Variants in DOCK7 observed in about 807,000 individuals in gnomAD.
DOCK7 encodes the protein dedicator of cytokinesis 7.
DOCK7 carries 138 observed loss-of-function variants against 271.0 expected under a neutral mutation model. The ratio of observed to expected loss-of-function variants is 0.51; its 90% CI spans 0.44 to 0.59. The LOEUF (loss-of-function observed/expected upper bound fraction) is 0.59. Ranked by LOEUF, DOCK7 falls within the 20% of genes least tolerant of loss-of-function variation. The probability of loss-of-function intolerance (pLI) is 0.00; values close to 1 mark genes in which losing one functional copy is unlikely to be tolerated. For synonymous variants in DOCK7, 823 were observed against 876.1 expected (o/e 0.94, Z 1.07); for missense variants, 2,066 against 2,592.4 (o/e 0.80, Z 4.41).
chr1:62,574,374 A>G (rs918677796), intron 18 of DOCK7, among the ~76,000 whole-genome samples: 28 of 152,308 alleles, frequency 1.8e-4, no homozygotes, highest in African/African-American at 6.7e-4. Flanking sequence ...GACTTTACAG[A>G]CTTTATGACA....
intron 14 of DOCK7, among the ~76,000 whole-genome samples, chr1:62,594,273 C>T (rs1648891409): frequency 6.6e-6 from 1 of 152,084 alleles, no homozygotes. Flanking sequence ...AAAATTACTA[C>T]TTTCAATGCA....
At chr1:62,512,121 A>G (rs998116798) in intron 33 of DOCK7, among the ~76,000 whole-genome samples, 2 of 152,208 alleles carry the variant, frequency 1.3e-5, no homozygotes, top group Non-Finnish European at 2.9e-5. Context: ...GTGCCTTTTC[A>G]TTATTACAAA....
In DOCK7 at chr1:62,580,592, G is replaced by C. The variant is rs149577180; in HGVS notation, c.1872-1626C>G. The stretch of plus-strand genomic sequence containing the variant: ...TTTGTTGAAAATTAAATATCTAAGA[G>C]AGTTATTCATTCAATAAGTAGGTTT... On this transcript the variant is annotated intron_variant, in intron 16 of 49. Coordinates refer to ENST00000635253, the MANE Select transcript of DOCK7 (RefSeq NM_001367561.1). Among the ~76,000 whole-genome samples the C allele has an allele frequency of 7.6e-3, 1,153 of 152,196 alleles. 8 individuals carry two copies. Among genetic ancestry groups the C allele is most frequent in the Non-Finnish European group, 0.011 (746 of 68,008 alleles).
intron 14 of DOCK7, among the ~76,000 whole-genome samples, chr1:62,616,821 C>T (rs950365142): frequency 1.3e-4 from 19 of 151,514 alleles, no homozygotes; most frequent in Admixed American, 4.6e-4. Context: ...CAAAATAAGA[C>T]GCAAAAGATT....
At chr1:62,504,196 A>T (rs1228837259) in intron 37 of DOCK7, among the ~76,000 whole-genome samples, 1 of 152,188 alleles carries the variant, frequency 6.6e-6, no homozygotes, top group African/African-American at 2.4e-5. Context: ...TACATAAGCA[A>T]AAATAAATGA....
At chr1:62,645,311 G>A (rs1656513047) in intron 7 of DOCK7, among the ~76,000 whole-genome samples, 1 of 151,866 alleles carries the variant, frequency 6.6e-6, no homozygotes, top group Non-Finnish European at 1.5e-5. Context: ...AATAGAATGT[G>A]GCATATGCAT....
chr1:62,553,529 C>T (rs1170051520), intron 21 of DOCK7, among the ~76,000 whole-genome samples: 2 of 149,742 alleles, frequency 1.3e-5, no homozygotes, highest in East Asian at 2.0e-4. Flanking sequence ...CCACCATGCC[C>T]GGGTAAATTT....
At chr1:62,636,231 C>T (rs987401659) in intron 8 of DOCK7, among the ~76,000 whole-genome samples, 2 of 152,178 alleles carry the variant, frequency 1.3e-5, no homozygotes, top group Non-Finnish European at 2.9e-5. Context: ...TAAAAATTCA[C>T]TGTCATTGTC....
intron 7 of DOCK7, among the ~76,000 whole-genome samples, chr1:62,640,520 C>CA (rs767576399): frequency 7.3e-5 from 11 of 151,396 alleles, no homozygotes; most frequent in Admixed American, 6.6e-5. Context: ...GACCCCGTCT[C>CA]AAAAAAAAGA....
chr1:62,637,610 T>C (rs1049426001), intron 7 of DOCK7, among the ~76,000 whole-genome samples: 2 of 152,108 alleles, frequency 1.3e-5, no homozygotes, highest in Admixed American at 6.6e-5. Context: ...CTGCTCCACA[T>C]TGCATGGTAT....
chr1:62,519,006 T>C (rs201812336), intron 31 of DOCK7, among the ~76,000 whole-genome samples: 10 of 148,130 alleles, frequency 6.8e-5, no homozygotes, highest in African/African-American at 1.2e-4. Context: ...AGTCATGCTA[T>C]ACACACACAC....
chr1:62,475,641 G>A lies in DOCK7; in HGVS notation c.5961+66C>T, dbSNP rs138064438. On this transcript the variant is annotated intron_variant, in intron 46 of 49. Transcript: ENST00000635253. ...ATGGTACATATCTTCTGGTACATCT[G>A]AGTTGTTGTTACATGGCTTGAATGT... 2,429 of 1,407,668 alleles carry A rather than the reference G, an allele frequency of 1.7e-3. 3 individuals carry two copies. Among genetic ancestry groups the A allele is most frequent in the Middle Eastern group, 4.6e-3 (26 of 5,608 alleles). The allele number at this position is 1,407,668 out of a possible 1,614,324, so 87.2% of individuals were successfully genotyped here. A position where few individuals can be genotyped will look rare whatever the true frequency, so the allele number is the denominator to read the frequency against.
chr1:62,610,329 G>GA (rs199624755), intron 14 of DOCK7, among the ~76,000 whole-genome samples: 16 of 149,652 alleles, frequency 1.1e-4, no homozygotes, highest in East Asian at 3.9e-4. Context: ...CACTTGAATA[G>GA]AAAAAAAAAT....
At chr1:62,651,008 C>T (rs1192352479) in intron 4 of DOCK7, among the ~76,000 whole-genome samples, 14 of 151,986 alleles carry the variant, frequency 9.2e-5, no homozygotes, top group Non-Finnish European at 1.8e-4. Flanking sequence ...ATGTTTACTG[C>T]GGTGCTATTC....
intron 2 of DOCK7, among the ~76,000 whole-genome samples, chr1:62,660,030 CAAGGA>C (rs1658486881): frequency 6.6e-6 from 1 of 152,128 alleles, no homozygotes; most frequent in Non-Finnish European, 1.5e-5. Context: ...AGAAAATCAA[CAAGGA>C]TACAGTATAA....
At chr1:62,512,024 T>G (rs1263109927) in intron 33 of DOCK7, among the ~76,000 whole-genome samples, 2 of 152,264 alleles carry the variant, frequency 1.3e-5, no homozygotes, top group East Asian at 1.9e-4. Flanking sequence ...AATTGTTATA[T>G]TCAAACAAAC....
intron 48 of DOCK7, among the ~76,000 whole-genome samples, chr1:62,471,291 C>A (rs944730578): frequency 3.3e-5 from 5 of 152,064 alleles, no homozygotes; most frequent in Non-Finnish European, 5.9e-5. Context: ...AGGGACAGCA[C>A]CCCAACCTCT....
At chr1:62,479,852 T>A (rs1049339865) in intron 43 of DOCK7, 20 of 173,582 alleles carry the variant, frequency 1.2e-4, no homozygotes, top group African/African-American at 4.7e-4. Flanking sequence ...CCCAGCTAAT[T>A]TTTTGTACTT....
rs148287864 is a variant in DOCK7, at chr1:62,631,380, T to C, written c.1142A>G (p.Lys381Arg). Residue 381 changes from lysine (K) to arginine (R), a missense_variant, in exon 11 of 50, where the codon AAG becomes AGG. By Grantham distance (26) the Lys-to-Arg change is conservative. Coordinates refer to ENST00000635253, the MANE Select transcript of DOCK7 (RefSeq NM_001367561.1). ...TKNKEKLEKLKSQADQFCQRL... is the reference protein window; with the variant it reads ...TKNKEKLEKLRSQADQFCQRL... ...TTGGCAAAACTGATCTGCTTGACTC[T>C]TCAGTTTCTCCAGTTTTTCTTTATT... is the stretch of plus-strand genomic sequence containing the variant. The C allele has an allele frequency of 1.5e-4, 234 of 1,602,762 alleles. No homozygotes were observed. In the South Asian group the frequency reaches 2.5e-3, roughly 17 times the overall value.
Sources: allele counts gnomAD v4.1 joint callset (sites outside exome capture counted in the v4.1 genomes callset), GRCh38; gene constraint gnomAD v4.1.1; transcripts MANE v1.5; gene names NCBI Gene and HGNC (gene_info 2026-07-23, HGNC 2026-07-21).